The following RRP7A variants were observed in gnomAD, a reference collection of about 807,000 sequenced individuals.
The protein encoded by RRP7A is ribosomal RNA processing 7 homolog A, also known as ribosomal RNA-processing protein 7 homolog A.
In RRP7A, 27 loss-of-function variants were observed where a neutral mutation model predicts 38.4. The ratio of observed to expected loss-of-function variants is 0.70; its 90% CI spans 0.52 to 0.97. The LOEUF is 0.97. RRP7A is among the 50% of genes least tolerant of loss of function. The pLI is 0.00. For synonymous variants in RRP7A, 124 were observed against 150.3 expected (o/e 0.83, Z 1.28); for missense variants, 327 against 375.4 (o/e 0.87, Z 1.07).
At chr22:42,519,564 C>T in intron 1 of RRP7A, 150 bp downstream of exon 1, 5 of 627,080 alleles carry the variant, frequency 8.0e-6, no homozygotes, top group Non-Finnish European at 9.7e-6. Flanking sequence ...GACCCCGGAG[C>T]CTCAAGACCT....
intron 2 of RRP7A, among the ~76,000 whole-genome samples, chr22:42,516,655 T>G (rs1367822075): frequency 6.6e-6 from 1 of 152,244 alleles, no homozygotes; most frequent in African/African-American, 2.4e-5. Context: ...ACATTCTTGC[T>G]GTTATTCTGA....
chr22:42,517,577 T>C (rs188880259), intron 2 of RRP7A, among the ~76,000 whole-genome samples: 1,994 of 152,124 alleles, frequency 0.013, 29 homozygotes, highest in African/African-American at 0.045. Flanking sequence ...TGGAGTGCAG[T>C]GGCGCGATCT....
Position 42,511,778 on chromosome 22 carries a change from C to T in RRP7A, c.*1132G>A, listed in dbSNP as rs1433396165. 2 of 230,734 alleles carry T rather than the reference C, an allele frequency of 8.7e-6. No individual in the cohort carries two copies. The highest frequency in any genetic ancestry group is 1.1e-4 in the East Asian group (1 of 9,222). The allele number at this position is 230,734 out of a possible 1,614,324, so 14.3% of individuals were successfully genotyped here. On this transcript the variant is annotated 3_prime_UTR_variant, in exon 7 of 7. Transcript: ENST00000323013. Reference sequence around the variant, plus strand: ...CTTCTTGAAGGCAGACACAAGTCTGCAGGCTGCTCACGTCATCTCATTATC... The same window carrying T: ...CTTCTTGAAGGCAGACACAAGTCTGTAGGCTGCTCACGTCATCTCATTATC...
rs899553797 is a variant in RRP7A, at chr22:42,512,178, G to A, written c.*732C>T. 36 of 1,568,344 alleles carry A rather than the reference G, an allele frequency of 2.3e-5. No homozygotes were observed. Among genetic ancestry groups the A allele is most frequent in the South Asian group, 1.9e-4 (17 of 90,466 alleles). On this transcript the variant is annotated 3_prime_UTR_variant, in exon 7 of 7. Coordinates refer to ENST00000323013, the MANE Select transcript of RRP7A (RefSeq NM_015703.5). Reference sequence around the variant, plus strand: ...TGTCCACATGAGCGAACCCCAGCACGTGGCCAGTATCATCAGCTCCTTCTT... The same window carrying A: ...TGTCCACATGAGCGAACCCCAGCACATGGCCAGTATCATCAGCTCCTTCTT...
At position 42,509,763 on chromosome 22, in the gene RRP7A, C is replaced by G. The variant is rs976973404; in HGVS notation, c.*3147G>C. Reference sequence around the variant, plus strand: ...TCTACGTGTTGTATGGCTGCATTCACGTTCAAGTCCAAATAGGACACACGG... The same window carrying G: ...TCTACGTGTTGTATGGCTGCATTCAGGTTCAAGTCCAAATAGGACACACGG... On this transcript the variant is annotated 3_prime_UTR_variant, in exon 7 of 7. Coordinates refer to ENST00000323013, the MANE Select transcript of RRP7A (RefSeq NM_015703.5). Among the ~76,000 whole-genome samples, 1 of 140,660 alleles carries G rather than the reference C, an allele frequency of 7.1e-6. No individual in the cohort carries two copies. The highest frequency in any genetic ancestry group is 2.6e-5 in the African/African-American group (1 of 38,708). 92.3% of individuals were successfully genotyped at this position (140,660 alleles called of 152,430 possible). A position where few individuals can be genotyped will look rare whatever the true frequency, so the allele number is the denominator to read the frequency against.
chr22:42,515,976 C>A, intron 3 of RRP7A, 35 bp downstream of exon 3: 1 of 1,561,676 alleles, frequency 6.4e-7, no homozygotes, highest in Non-Finnish European at 8.7e-7. Flanking sequence ...CCCCACCCCC[C>A]TCACTCTAGT....
intron 6 of RRP7A, 34 bp downstream of exon 6, chr22:42,514,072 C>G: frequency 6.3e-7 from 1 of 1,593,214 alleles, no homozygotes; most frequent in South Asian, 1.1e-5. Context: ...GGGCCAAGGC[C>G]GAGGGGTCTG....
chr22:42,516,105 C>G lies in RRP7A; in HGVS notation c.248G>C (p.Gly83Ala). The G allele has an allele frequency of 6.2e-7, 1 of 1,613,704 alleles. No individual in the cohort carries two copies. Among genetic ancestry groups the G allele is most frequent in the Non-Finnish European group, 8.5e-7 (1 of 1,179,800 alleles). ...CTGCAACTCTACAGACTGGACGAGG[C>G]CACAGGTGGACAGGAGGCGGGACAG... ...ESLSRLLSTC[G>A]LVQSVELQEK... is the part of the protein sequence containing the mutation. The change falls in exon 3 of 7, where the codon GGC (glycine) becomes GCC (alanine). Residue 83 changes from glycine (G) to alanine (A), a missense_variant. By Grantham distance (60) the Gly-to-Ala change is moderately conservative (BLOSUM62 0). Around this residue, in one of 5 missense-constraint regions of RRP7A, gnomAD observed 183 missense variants for 141.8 expected, o/e 1.29. Transcript: ENST00000323013.
At position 42,509,064 on chromosome 22, in the gene RRP7A, T is replaced by A; in HGVS notation, c.*3846A>T. On this transcript the variant is annotated 3_prime_UTR_variant, in exon 7 of 7. Coordinates refer to ENST00000323013, the MANE Select transcript of RRP7A (RefSeq NM_015703.5). Reference sequence around the variant, plus strand: ...CATTGACTTCGTCAGCAGGGAGCTGTGTGCGCATTCCATCAGGAAGCTGCA... The same window carrying A: ...CATTGACTTCGTCAGCAGGGAGCTGAGTGCGCATTCCATCAGGAAGCTGCA... 1 of 1,612,880 alleles carries A rather than the reference T, an allele frequency of 6.2e-7. No homozygotes were observed. The highest frequency in any genetic ancestry group is 1.1e-5 in the South Asian group (1 of 91,082).
At position 42,512,580 on chromosome 22, in the gene RRP7A, G is replaced by A. The variant is rs1392749527; in HGVS notation, c.*330C>T. ...TTCTCACTGCTTTTGAGGCTTTTTC[G>A]TTGCCAGCAAGGGCTTTTGCATTGA... is the stretch of plus-strand genomic sequence containing the variant. On this transcript the variant is annotated 3_prime_UTR_variant, in exon 7 of 7. Coordinates refer to ENST00000323013, the MANE Select transcript of RRP7A (RefSeq NM_015703.5). The A allele has an allele frequency of 2.6e-5, 14 of 540,178 alleles. No individual in the cohort carries two copies. Among genetic ancestry groups the A allele is most frequent in the Admixed American group, 6.6e-5 (2 of 30,294 alleles). 33.5% of individuals were successfully genotyped at this position (540,178 alleles called of 1,614,324 possible). A position where few individuals can be genotyped will look rare whatever the true frequency, so the allele number is the denominator to read the frequency against.
At chr22:42,519,289 G>A (rs1920940462) in intron 1 of RRP7A, among the ~76,000 whole-genome samples, 1 of 151,106 alleles carries the variant, frequency 6.6e-6, no homozygotes, top group Non-Finnish European at 1.5e-5. Flanking sequence ...CACGTGGGTG[G>A]AGAACAGAAG....
Position 42,519,793 on chromosome 22 carries a change from AC to A in RRP7A, c.-8del. On this transcript the variant is annotated 5_prime_UTR_variant, in exon 1 of 7. Transcript: ENST00000323013. ...TCCTCCTGCGCGCCACCATCTTGCC[AC>A]CCGGGAGCGCGGGGGCCGCCGGGAG... The A allele has an allele frequency of 7.0e-7, 1 of 1,422,898 alleles. No homozygotes were observed. Among genetic ancestry groups the A allele is most frequent in the Non-Finnish European group, 9.2e-7 (1 of 1,091,018 alleles). 88.1% of individuals were successfully genotyped at this position (1,422,898 alleles called of 1,614,324 possible). A position where few individuals can be genotyped will look rare whatever the true frequency, so the allele number is the denominator to read the frequency against.
chr22:42,518,892 CAATT>C (rs1271852395), intron 1 of RRP7A, among the ~76,000 whole-genome samples: 1 of 151,948 alleles, frequency 6.6e-6, no homozygotes, highest in Non-Finnish European at 1.5e-5. Flanking sequence ...ACGGAGAAGA[CAATT>C]AACAAGCATA....
In RRP7A at chr22:42,512,206, A is replaced by G. The variant is rs1932488236; in HGVS notation, c.*704T>C. 3.7e-6 allele frequency: 6 copies of G among 1,612,692 alleles called. No homozygotes were observed. The highest frequency in any genetic ancestry group is 1.7e-5 in the Admixed American group (1 of 59,962). Reference sequence around the variant, plus strand: ...GCCAGTATCATCAGCTCCTTCTTACAGTGCACACACACGCTCCCAGCCCAG... The same window carrying G: ...GCCAGTATCATCAGCTCCTTCTTACGGTGCACACACACGCTCCCAGCCCAG... On this transcript the variant is annotated 3_prime_UTR_variant, in exon 7 of 7. Coordinates refer to ENST00000323013, the MANE Select transcript of RRP7A (RefSeq NM_015703.5).
In RRP7A at chr22:42,508,822, A is replaced by G. The variant is rs1016217684; in HGVS notation, c.*4088T>C. Among the ~76,000 whole-genome samples the G allele has an allele frequency of 6.6e-6, 1 of 152,206 alleles. No homozygotes were observed. Among genetic ancestry groups the G allele is most frequent in the African/African-American group, 2.4e-5 (1 of 41,456 alleles). On this transcript the variant is annotated 3_prime_UTR_variant, in exon 7 of 7. Coordinates refer to ENST00000323013, the MANE Select transcript of RRP7A (RefSeq NM_015703.5). ...GCCACGAGCCCAGGAAGAGGGGAGA[A>G]CAGACTTGGAGAGGGCAGGAGTCTC...
rs1401141815 is a variant in RRP7A, at chr22:42,511,791, T to C, written c.*1119A>G. The C allele has an allele frequency of 6.3e-5, 17 of 268,954 alleles. No individual in the cohort carries two copies. The highest frequency in any genetic ancestry group is 2.9e-4 in the African/African-American group (13 of 45,066). The allele number at this position is 268,954 out of a possible 1,614,324, so 16.7% of individuals were successfully genotyped here. On this transcript the variant is annotated 3_prime_UTR_variant, in exon 7 of 7. Coordinates refer to ENST00000323013, the MANE Select transcript of RRP7A (RefSeq NM_015703.5). Reference sequence around the variant, plus strand: ...GACACAAGTCTGCAGGCTGCTCACGTCATCTCATTATCTTTTCTCACGAGG... The same window carrying C: ...GACACAAGTCTGCAGGCTGCTCACGCCATCTCATTATCTTTTCTCACGAGG...
In RRP7A at chr22:42,518,154, A is replaced by C. The variant is rs955797852; in HGVS notation, c.74-7T>G. ...GAGAACTTGATTGGAATAGCTGGAAAGGAAATGGGAGGGGAGGGATGGCCA... is the reference window on the plus strand; with the variant it reads ...GAGAACTTGATTGGAATAGCTGGAACGGAAATGGGAGGGGAGGGATGGCCA... On this transcript the variant is annotated splice_region_variant and splice_polypyrimidine_tract_variant and intron_variant, in intron 1 of 6. Coordinates refer to ENST00000323013, the MANE Select transcript of RRP7A (RefSeq NM_015703.5). 6.2e-7 allele frequency: 1 copy of C among 1,609,464 alleles called. No individual in the cohort carries two copies. Among genetic ancestry groups the C allele is most frequent in the Admixed American group, 1.7e-5 (1 of 59,898 alleles).
Position 42,510,592 on chromosome 22 carries a change from A to C in RRP7A, c.*2318T>G, listed in dbSNP as rs1469758380. The C allele has an allele frequency of 1.6e-5, 14 of 894,476 alleles. No individual in the cohort carries two copies. The highest frequency in any genetic ancestry group is 2.3e-5 in the Non-Finnish European group (14 of 600,896). The allele number at this position is 894,476 out of a possible 1,614,324, so 55.4% of individuals were successfully genotyped here. A position where few individuals can be genotyped will look rare whatever the true frequency, so the allele number is the denominator to read the frequency against. ...GGGGGCACCGCTGGGAGGCGGTTCT[A>C]AGATGAACCCCAACAACCCCCAACT... On this transcript the variant is annotated 3_prime_UTR_variant, in exon 7 of 7. Transcript: ENST00000323013.
intron 2 of RRP7A, 28 bp downstream of exon 2, chr22:42,517,977 G>T: frequency 6.2e-7 from 1 of 1,607,098 alleles, no homozygotes; most frequent in Non-Finnish European, 8.5e-7. Flanking sequence ...GAGCCCACAG[G>T]TCTCCTCCCA....
Sources: gnomAD v4.1 joint callset for allele counts (sites outside exome capture counted in the v4.1 genomes callset) on GRCh38, gnomAD v4.1.1 for gene constraint, gnomAD v4.1.1 regional missense constraint, MANE v1.5 for transcripts, NCBI Gene and HGNC (gene_info 2026-07-23, HGNC 2026-07-21) for gene names.